Variants in GRID1 observed in about 807,000 individuals in gnomAD.
GRID1 encodes glutamate receptor ionotropic, delta-1.
Under a neutral mutation model 98.0 loss-of-function variants are expected in GRID1, and 28 were observed. That is an observed-to-expected ratio of 0.29 (90% CI 0.21 to 0.39). GRID1 has a LOEUF of 0.39. Among genes scored for constraint, GRID1 ranks in the 10% least tolerant of loss-of-function variants. GRID1 has a pLI of 1.00. For synonymous variants in GRID1, 553 were observed against 538.5 expected, an observed-to-expected ratio of 1.03 and a Z score of -0.37; for missense variants, 1,111 against 1,340.5, an observed-to-expected ratio of 0.83 and a Z score of 2.67.
At chr10:85,731,303 ATTAG>A (rs2132660407) in intron 8 of GRID1, among the ~76,000 whole-genome samples, 1 of 152,086 alleles carries the variant, frequency 6.6e-6, no homozygotes, top group Non-Finnish European at 1.5e-5. Context: ...GAATAAATAA[ATTAG>A]TAAAAAACAT....
At chr10:85,999,211 CAAAAAAA>C (rs60210628) in intron 4 of GRID1, among the ~76,000 whole-genome samples, 32 of 130,062 alleles carry the variant, frequency 2.5e-4, no homozygotes, top group Non-Finnish European at 4.1e-4. Context: ...GACTCTATTT[CAAAAAAA>C]AAAAAAAAAG....
chr10:85,611,956 G>A (rs1225088798), intron 15 of GRID1, among the ~76,000 whole-genome samples: 1 of 152,216 alleles, frequency 6.6e-6, no homozygotes, highest in Non-Finnish European at 1.5e-5. Flanking sequence ...CTCCAGGGGT[G>A]ATAGGACAGC....
intron 4 of GRID1, among the ~76,000 whole-genome samples, chr10:85,949,086 G>A (rs947012732): frequency 2.6e-5 from 4 of 152,170 alleles, no homozygotes; most frequent in African/African-American, 9.7e-5. Flanking sequence ...AACAGAAGAC[G>A]TGCTTCTCCC....
chr10:86,290,885 C>T (rs143200248), intron 2 of GRID1, among the ~76,000 whole-genome samples: 1 of 152,242 alleles, frequency 6.6e-6, no homozygotes, highest in Non-Finnish European at 1.5e-5. Context: ...CAAGAGAGAA[C>T]ACCTCCTCAG....
intron 8 of GRID1, among the ~76,000 whole-genome samples, chr10:85,731,799 C>CAA (rs554781772): frequency 0.013 from 841 of 63,650 alleles, 23 homozygotes; most frequent in African/African-American, 0.042. Context: ...GAGACCCTGA[C>CAA]AAAAAAAAAA....
chr10:86,117,893 G>T (rs190687461), intron 4 of GRID1, among the ~76,000 whole-genome samples: 2 of 152,206 alleles, frequency 1.3e-5, no homozygotes, highest in African/African-American at 4.8e-5. Flanking sequence ...ACAACAGTGT[G>T]GAGATACCTT....
chr10:85,819,240 C>T (rs985548434), intron 8 of GRID1, among the ~76,000 whole-genome samples: 6 of 152,134 alleles, frequency 3.9e-5, no homozygotes, highest in Non-Finnish European at 7.4e-5. Flanking sequence ...CGCTGATAAA[C>T]GCTAAAATTA....
At chr10:86,147,478 G>C (rs1180763229) in intron 3 of GRID1, among the ~76,000 whole-genome samples, 1 of 152,062 alleles carries the variant, frequency 6.6e-6, no homozygotes, top group African/African-American at 2.4e-5. Flanking sequence ...GCATGGTGCT[G>C]GTACAAAAAT....
chr10:86,115,710 C>T (rs555139834), intron 4 of GRID1, among the ~76,000 whole-genome samples: 6 of 152,152 alleles, frequency 3.9e-5, no homozygotes, highest in Admixed American at 1.3e-4. Flanking sequence ...CTAAAAGGAC[C>T]GACAGAGCCA....
chr10:86,113,343 C>T (rs1366469242), intron 4 of GRID1, among the ~76,000 whole-genome samples: 2 of 152,196 alleles, frequency 1.3e-5, no homozygotes, highest in Admixed American at 6.5e-5. Flanking sequence ...TCAAGCCACA[C>T]AGGCATTCTC....
intron 8 of GRID1, 104 bp downstream of exon 8, chr10:85,854,392 C>T (rs1210680158): frequency 1.2e-5 from 12 of 993,002 alleles, no homozygotes; most frequent in Admixed American, 3.6e-5. Flanking sequence ...GGGAGGATAT[C>T]TGTGCTAGTT....
chr10:85,647,098 G>A (rs1393914035), intron 13 of GRID1, 104 bp downstream of exon 13: 6 of 859,786 alleles, frequency 7.0e-6, no homozygotes, highest in South Asian at 3.0e-5. Flanking sequence ...GCAGGTAACA[G>A]GGCTGCTCAG....
chr10:85,619,872 G>A lies in GRID1; in HGVS notation c.2355C>T (p.Ser785=), dbSNP rs1476280987. 6.2e-7 allele frequency: 1 copy of A among 1,613,400 alleles called. No individual in the cohort carries two copies. Among genetic ancestry groups the A allele is most frequent in the East Asian group, 2.2e-5 (1 of 44,860 alleles). The change falls in exon 14 of 16, where the codon TCC becomes TCT. Residue 785 remains serine, a synonymous_variant. Transcript: ENST00000327946. ...QHGSPYRDLF[S]QRILELQDTG... ...ACCTTGCTGCCCAAGCCTACCTCTG[G>A]GAGAAGAGGTCCCTGTAGGGGCTGC...
intron 4 of GRID1, among the ~76,000 whole-genome samples, chr10:85,942,724 T>C (rs1842010518): frequency 6.6e-6 from 1 of 152,234 alleles, no homozygotes; most frequent in African/African-American, 2.4e-5. Context: ...AAGTCTATTT[T>C]GAAATTCCAA....
intron 2 of GRID1, among the ~76,000 whole-genome samples, chr10:86,308,555 T>G (rs971150528): frequency 3.3e-5 from 5 of 152,140 alleles, no homozygotes; most frequent in African/African-American, 1.2e-4. Flanking sequence ...AGAAATCTAC[T>G]ATGCTGCAGA....
chr10:86,119,630 G>A (rs970041934), intron 4 of GRID1, among the ~76,000 whole-genome samples: 1 of 152,068 alleles, frequency 6.6e-6, no homozygotes, highest in Non-Finnish European at 1.5e-5. Flanking sequence ...TCCTTAGCTC[G>A]ATGTTATGTT....
intron 12 of GRID1, among the ~76,000 whole-genome samples, chr10:85,675,173 G>T (rs1405072998): frequency 6.6e-6 from 1 of 152,172 alleles, no homozygotes; most frequent in Non-Finnish European, 1.5e-5. Context: ...TCATACTCTT[G>T]GAGGGTCTAG....
chr10:85,940,055 A>G (rs1317839896), intron 4 of GRID1, among the ~76,000 whole-genome samples: 1 of 125,878 alleles, frequency 7.9e-6, no homozygotes, highest in Non-Finnish European at 1.6e-5. Flanking sequence ...CGACACAGTG[A>G]GACTCCCTCT....
intron 2 of GRID1, among the ~76,000 whole-genome samples, chr10:86,207,308 T>C (rs1846039786): frequency 6.6e-6 from 1 of 152,202 alleles, no homozygotes. Context: ...TCCAGAAGGA[T>C]TATTCAAAAG....
Sources: allele counts gnomAD v4.1 joint callset (sites outside exome capture counted in the v4.1 genomes callset), GRCh38; gene constraint gnomAD v4.1.1; transcripts MANE v1.5; gene names NCBI Gene and HGNC (gene_info 2026-07-23, HGNC 2026-07-21).